FMNL2: variants seen among roughly 807,000 people sequenced by gnomAD.
FMNL2 encodes the protein formin like 2, also known as formin-like protein 2.
FMNL2 carries 51 observed loss-of-function variants against 130.2 expected under a neutral mutation model. The ratio of observed to expected loss-of-function variants is 0.39; its 90% CI spans 0.31 to 0.49. The LOEUF is 0.49. Ranked by LOEUF, FMNL2 falls within the 20% of genes least tolerant of loss-of-function variation. The pLI is 0.85. For synonymous variants in FMNL2, 465 were observed against 467.1 expected (o/e 1.00, Z 0.06); for missense variants, 977 against 1,316.2 (o/e 0.74, Z 3.99).
At position 152,647,962 on chromosome 2, in the gene FMNL2, A is replaced by AC; in HGVS notation, c.*58dup. The AC allele has an allele frequency of 7.3e-7, 1 of 1,373,038 alleles. No homozygotes were observed. The highest frequency in any genetic ancestry group is 1.0e-6 in the Non-Finnish European group (1 of 993,296). 85.1% of individuals were successfully genotyped at this position (1,373,038 alleles called of 1,614,324 possible). ...TGCGTGAATGAAACTGCCCACATGA[A>AC]CTTTATGTGCTACGATTTAACTGCA... On this transcript the variant is annotated 3_prime_UTR_variant, in exon 26 of 26. Coordinates refer to ENST00000288670, the MANE Select transcript of FMNL2 (RefSeq NM_052905.4).
intron 1 of FMNL2, among the ~76,000 whole-genome samples, chr2:152,508,053 A>G (rs1163304385): frequency 6.6e-6 from 1 of 152,144 alleles, no homozygotes; most frequent in African/African-American, 2.4e-5. Flanking sequence ...TATGTGTGGC[A>G]CCTCTCTATT....
chr2:152,483,654 T>A (rs1409474938), intron 1 of FMNL2, among the ~76,000 whole-genome samples: 3 of 152,198 alleles, frequency 2.0e-5, no homozygotes, highest in Non-Finnish European at 4.4e-5. Context: ...AGGAAAAGAT[T>A]CCATGTTGAC....
At chr2:152,643,799 T>TA in intron 25 of FMNL2, 1 of 985,420 alleles carries the variant, frequency 1.0e-6, no homozygotes, top group Non-Finnish European at 1.2e-6. Flanking sequence ...TTCAGAAAAA[T>TA]AGAGCAAAAA....
intron 1 of FMNL2, among the ~76,000 whole-genome samples, chr2:152,342,987 C>G (rs543712834): frequency 6.6e-6 from 1 of 152,356 alleles, no homozygotes; most frequent in East Asian, 1.9e-4. Context: ...CACAAACTCT[C>G]TATGATTTCT....
At chr2:152,381,980 G>C (rs1684497483) in intron 1 of FMNL2, among the ~76,000 whole-genome samples, 1 of 152,000 alleles carries the variant, frequency 6.6e-6, no homozygotes, top group Non-Finnish European at 1.5e-5. Flanking sequence ...TGTATTTTTT[G>C]TAGAGATGGG....
intron 2 of FMNL2, among the ~76,000 whole-genome samples, chr2:152,534,471 C>G (rs1412568045): frequency 6.6e-6 from 1 of 151,702 alleles, no homozygotes; most frequent in Non-Finnish European, 1.5e-5. Flanking sequence ...AAAATCGGAG[C>G]TTGTAATTTA....
At chr2:152,463,456 A>G (rs1689359135) in intron 1 of FMNL2, among the ~76,000 whole-genome samples, 1 of 152,144 alleles carries the variant, frequency 6.6e-6, no homozygotes, top group African/African-American at 2.4e-5. Context: ...AGCCTATGGT[A>G]TTATCTGCTC....
At chr2:152,641,351 C>T (rs1401956777) in intron 25 of FMNL2, among the ~76,000 whole-genome samples, 1 of 152,234 alleles carries the variant, frequency 6.6e-6, no homozygotes, top group South Asian at 2.1e-4. Flanking sequence ...GGTGAGCCAA[C>T]AGGCTTCCAG....
chr2:152,357,788 C>T (rs1682919657), intron 1 of FMNL2, among the ~76,000 whole-genome samples: 1 of 152,186 alleles, frequency 6.6e-6, no homozygotes, highest in African/African-American at 2.4e-5. Context: ...CTCTGGGGAG[C>T]CTAACCGTGT....
At chr2:152,618,104 G>A (rs1174373899) in intron 13 of FMNL2, among the ~76,000 whole-genome samples, 1 of 152,168 alleles carries the variant, frequency 6.6e-6, no homozygotes, top group African/African-American at 2.4e-5. Context: ...AGGAAGTTCA[G>A]TTCCATAAAA....
rs758669790 is a variant in FMNL2 at position 152,617,118 on chromosome 2, A to G, written c.1240A>G (p.Asn414Asp). 6.2e-7 allele frequency: 1 copy of G among 1,613,990 alleles called. No homozygotes were observed. Among genetic ancestry groups the G allele is most frequent in the East Asian group, 2.2e-5 (1 of 44,868 alleles). The change falls in exon 13 of 26, where the codon AAT (asparagine) becomes GAT (aspartate). Residue 414 changes from asparagine (N) to aspartate (D), a missense_variant. By Grantham distance (23) the Asn-to-Asp change is conservative. Coordinates refer to ENST00000288670, the MANE Select transcript of FMNL2 (RefSeq NM_052905.4). ...HLSEKLQDTE[N>D]EAMSKIVELE... Reference sequence around the variant, plus strand: ...ATCTGAAAAACTGCAAGACACAGAGAATGAAGCCATGTCCAAGATTGTGGA... The same window carrying G: ...ATCTGAAAAACTGCAAGACACAGAGGATGAAGCCATGTCCAAGATTGTGGA...
chr2:152,573,948 G>T (rs182101405), intron 6 of FMNL2, among the ~76,000 whole-genome samples: 1 of 152,270 alleles, frequency 6.6e-6, no homozygotes, highest in African/African-American at 2.4e-5. Flanking sequence ...GCTATCTACT[G>T]CAACAAATAG....
intron 9 of FMNL2, among the ~76,000 whole-genome samples, chr2:152,590,617 A>G (rs1266131411): frequency 2.0e-5 from 3 of 152,024 alleles, no homozygotes; most frequent in Non-Finnish European, 4.4e-5. Flanking sequence ...CTGTCTTTAA[A>G]AAAAAAAAAC....
At chr2:152,429,703 T>C (rs1687396707) in intron 1 of FMNL2, among the ~76,000 whole-genome samples, 1 of 152,104 alleles carries the variant, frequency 6.6e-6, no homozygotes, top group South Asian at 2.1e-4. Context: ...TTTTTTAATT[T>C]CTAAGTTTTT....
intron 1 of FMNL2, among the ~76,000 whole-genome samples, chr2:152,466,080 T>A (rs540809326): frequency 6.6e-6 from 1 of 152,346 alleles, no homozygotes; most frequent in Admixed American, 6.5e-5. Context: ...ATGATCTTGA[T>A]CTTTCTGAGC....
intron 9 of FMNL2, among the ~76,000 whole-genome samples, chr2:152,586,323 A>G (rs1287349874): frequency 6.6e-6 from 1 of 152,182 alleles, no homozygotes; most frequent in African/African-American, 2.4e-5. Flanking sequence ...AGGCTTCCTA[A>G]GAAAGCTGAT....
intron 1 of FMNL2, among the ~76,000 whole-genome samples, chr2:152,443,151 C>T (rs1688141353): frequency 6.6e-6 from 1 of 152,050 alleles, no homozygotes; most frequent in Admixed American, 6.6e-5. Context: ...GGAGGTGAAG[C>T]CGGGGTTTCT....
chr2:152,567,766 T>C (rs1286526497), intron 6 of FMNL2, among the ~76,000 whole-genome samples: 4 of 152,242 alleles, frequency 2.6e-5, no homozygotes, highest in Non-Finnish European at 5.9e-5. Flanking sequence ...TGAACCCTTA[T>C]GTCAGCTTCC....
At chr2:152,362,925 C>G (rs143155576) in intron 1 of FMNL2, among the ~76,000 whole-genome samples, 178 of 152,206 alleles carry the variant, frequency 1.2e-3, no homozygotes, top group African/African-American at 4.1e-3. Flanking sequence ...GTCAAAGAAG[C>G]CAGTCACAAA....
Sources: gnomAD v4.1 joint callset for allele counts (sites outside exome capture counted in the v4.1 genomes callset) on GRCh38, gnomAD v4.1.1 for gene constraint, MANE v1.5 for transcripts, NCBI Gene and HGNC (gene_info 2026-07-23, HGNC 2026-07-21) for gene names.